The following MID1 variants were observed in gnomAD, a reference collection of about 807,000 sequenced individuals.
The protein encoded by MID1 is midline 1, also known as E3 ubiquitin-protein ligase Midline-1.
MID1 carries 7 observed loss-of-function variants against 40.4 expected under a neutral mutation model. The observed-to-expected ratio is 0.17, with a 90% confidence interval of 0.10 to 0.33. The LOEUF (loss-of-function observed/expected upper bound fraction) is 0.33, where lower values mean the gene tolerates loss of function less well. MID1 is among the 10% of genes least tolerant of loss of function. MID1 has a pLI of 1.00. For missense variants in MID1, 367 were observed against 558.5 expected (o/e 0.66, Z 3.46); for synonymous variants, 229 against 221.2 (o/e 1.04, Z -0.31).
intron 1 of MID1, among the ~76,000 whole-genome samples, chrX:10,732,224 A>G (rs1168134860): frequency 9.0e-6 from 1 of 111,422 alleles, no homozygotes; most frequent in Non-Finnish European, 1.9e-5. Flanking sequence ...AAAATAAGTG[A>G]CAAATAAAAA....
intron 2 of MID1, among the ~76,000 whole-genome samples, chrX:10,549,892 C>T (rs1933842205): frequency 8.9e-6 from 1 of 112,359 alleles, no homozygotes; most frequent in South Asian, 3.7e-4. Context: ...TACCTTCCAG[C>T]AGGAACAAAT....
chrX:10,540,162 C>T (rs1021039610), intron 2 of MID1, among the ~76,000 whole-genome samples: 1 of 112,029 alleles, frequency 8.9e-6, no homozygotes, highest in African/African-American at 3.2e-5. Flanking sequence ...GATTGTGCTA[C>T]TGCACTCCAG....
chrX:10,755,057 A>C (rs968770295), intron 1 of MID1, among the ~76,000 whole-genome samples: 1 of 111,943 alleles, frequency 8.9e-6, no homozygotes, highest in Non-Finnish European at 1.9e-5. Context: ...AGTGACATTG[A>C]TATAAGGGGA....
chrX:10,680,337 A>G (rs1386294768), intron 1 of MID1, among the ~76,000 whole-genome samples: 1 of 112,064 alleles, frequency 8.9e-6, no homozygotes, highest in East Asian at 2.8e-4. Flanking sequence ...TTAGTGACCA[A>G]GGGTATTTGG....
At chrX:10,803,504 C>T (rs1238886136) in intron 1 of MID1, among the ~76,000 whole-genome samples, 2 of 109,736 alleles carry the variant, frequency 1.8e-5, no homozygotes, top group African/African-American at 6.7e-5. Context: ...CGGCATGCAC[C>T]ACCACGCCCG....
intron 1 of MID1, among the ~76,000 whole-genome samples, chrX:10,685,674 T>C (rs2043090371): frequency 9.0e-6 from 1 of 111,472 alleles, no homozygotes; most frequent in Non-Finnish European, 1.9e-5. Flanking sequence ...CAACCCTGTT[T>C]CTACACGCTG....
chrX:10,803,068 C>A (rs2044020110), intron 1 of MID1, among the ~76,000 whole-genome samples: 1 of 110,646 alleles, frequency 9.0e-6, no homozygotes, highest in African/African-American at 3.3e-5. Context: ...AATATCCCTG[C>A]TGGATACTAT....
intron 1 of MID1, among the ~76,000 whole-genome samples, chrX:10,617,525 C>G (rs1935859795): frequency 1.8e-5 from 2 of 112,178 alleles, no homozygotes; most frequent in Non-Finnish European, 3.8e-5. Flanking sequence ...ATACATCATG[C>G]ACCTTCTTCC....
intron 1 of MID1, among the ~76,000 whole-genome samples, chrX:10,596,838 T>C (rs1179069979): frequency 1.8e-5 from 2 of 111,826 alleles, no homozygotes; most frequent in African/African-American, 6.5e-5. Context: ...GAAGGAACAG[T>C]CTTTAGTGGG....
At chrX:10,642,682 C>A (rs1220923823) in intron 1 of MID1, among the ~76,000 whole-genome samples, 3 of 110,253 alleles carry the variant, frequency 2.7e-5, no homozygotes, top group South Asian at 3.8e-4. Flanking sequence ...TCATATGGAA[C>A]CAAAAATGAG....
rs1040470234 is a variant in MID1, at chrX:10,799,308, T to C, written c.-187+34246A>G. Among the ~76,000 whole-genome samples the C allele has an allele frequency of 6.3e-5, 7 of 111,896 alleles. No individual in the cohort carries two copies. The South Asian group carries it at 1.5e-3, about 24-fold the overall frequency. On this transcript the variant is annotated intron_variant, in intron 1 of 10. Transcript: ENST00000380785. ...GCTAGAATGTCTTTTAATCACATAATGGTCCTCAAAAATTGTTTTAAAGGA... is the reference window on the plus strand; with the variant it reads ...GCTAGAATGTCTTTTAATCACATAACGGTCCTCAAAAATTGTTTTAAAGGA...
At chrX:10,754,214 T>C (rs1222753447) in intron 1 of MID1, among the ~76,000 whole-genome samples, 1 of 112,073 alleles carries the variant, frequency 8.9e-6, no homozygotes, top group Admixed American at 9.4e-5. Flanking sequence ...TGAAGAGAGA[T>C]ATTGTTGAAC....
intron 1 of MID1, among the ~76,000 whole-genome samples, chrX:10,700,849 G>A (rs1447824440): frequency 8.9e-6 from 1 of 111,876 alleles, no homozygotes; most frequent in East Asian, 2.8e-4. Context: ...GACATCGTGG[G>A]AAAAATGAAT....
At chrX:10,528,954 G>C (rs1291290975) in intron 2 of MID1, among the ~76,000 whole-genome samples, 1 of 111,111 alleles carries the variant, frequency 9.0e-6, no homozygotes, top group Non-Finnish European at 1.9e-5. Flanking sequence ...ACAGAACCTG[G>C]TGCCAGTCTG....
intron 1 of MID1, among the ~76,000 whole-genome samples, chrX:10,731,966 C>CAAAAAAAAAA (rs754605735): frequency 2.3e-4 from 6 of 26,646 alleles, no homozygotes; most frequent in African/African-American, 5.8e-4. Flanking sequence ...GAATCTATCA[C>CAAAAAAAAAA]AAAAAAAAAA....
At chrX:10,807,206 T>C (rs1314391788) in intron 1 of MID1, among the ~76,000 whole-genome samples, 1 of 110,470 alleles carries the variant, frequency 9.1e-6, no homozygotes, top group African/African-American at 3.3e-5. Flanking sequence ...GATCATGCCA[T>C]TGCACTCCAG....
chrX:10,497,216 G>T (rs979120602), intron 3 of MID1, among the ~76,000 whole-genome samples: 2 of 112,291 alleles, frequency 1.8e-5, no homozygotes, highest in Admixed American at 9.4e-5. Flanking sequence ...GTTATGAAAA[G>T]GATGGGACCA....
chrX:10,644,106 T>C (rs1021678877), intron 1 of MID1, among the ~76,000 whole-genome samples: 2 of 111,290 alleles, frequency 1.8e-5, no homozygotes, highest in African/African-American at 3.3e-5. Context: ...TATACATATG[T>C]AACAAACCTG....
downstream of MID1, chrX:10,445,385 T>C (rs986145466): frequency 1.4e-4 from 16 of 112,498 alleles, no homozygotes; most frequent in Admixed American, 4.7e-4. Flanking sequence ...AAAAGAATTG[T>C]ATTTTGAATA....
Sources: gnomAD v4.1 joint callset for allele counts (sites outside exome capture counted in the v4.1 genomes callset) on GRCh38, gnomAD v4.1.1 for gene constraint, MANE v1.5 for transcripts, NCBI Gene and HGNC (gene_info 2026-07-23, HGNC 2026-07-21) for gene names.